Variants in RPF2 observed in about 807,000 individuals in gnomAD.
The protein encoded by RPF2 is ribosome production factor 2 homolog, also known as brix domain containing 1.
In RPF2, 21 loss-of-function variants were observed where a neutral mutation model predicts 38.9. The observed-to-expected ratio is 0.54, with a 90% CI of 0.38 to 0.78. The LOEUF is 0.78. RPF2 is among the 30% of genes least tolerant of loss of function. The pLI, the probability that RPF2 is intolerant of heterozygous loss-of-function variation, is 0.00. For synonymous variants in RPF2, 121 were observed against 126.2 expected, an observed-to-expected ratio of 0.96 and a Z score of 0.28; for missense variants, 314 against 358.1, an observed-to-expected ratio of 0.88 and a Z score of 0.99.
At chr6:111,005,896 C>T (rs576464122) in intron 6 of RPF2, among the ~76,000 whole-genome samples, 40 of 152,186 alleles carry the variant, frequency 2.6e-4, no homozygotes, top group Non-Finnish European at 5.0e-4. Context: ...ACTGCAACCT[C>T]CACCTCCTGG....
intron 7 of RPF2, among the ~76,000 whole-genome samples, chr6:111,012,499 T>C (rs1012485503): frequency 2.0e-5 from 3 of 152,016 alleles, no homozygotes; most frequent in African/African-American, 7.2e-5. Flanking sequence ...ATATTATATA[T>C]ATGGTTGTTT....
intron 1 of RPF2, among the ~76,000 whole-genome samples, chr6:110,983,190 AT>A: frequency 6.6e-6 from 1 of 152,290 alleles, no homozygotes; most frequent in African/African-American, 2.4e-5. Flanking sequence ...CAAGGTGCTC[AT>A]TGTAGAGGAA....
rs191995948 is a variant in RPF2 at position 111,024,788 on chromosome 6, G to C, written c.741+461G>C. ...AGGACTCACAGAGCCAGGAAAAGGA[G>C]AGAGAACCAAATAAGCCAACAATAA... On this transcript the variant is annotated intron_variant, in intron 9 of 9. Coordinates refer to ENST00000441448, the MANE Select transcript of RPF2 (RefSeq NM_032194.3). Among the ~76,000 whole-genome samples, 138 of 151,658 alleles carry C rather than the reference G, an allele frequency of 9.1e-4. 2 individuals carry two copies. Among genetic ancestry groups the C allele is most frequent in the Non-Finnish European group, 1.5e-4 (10 of 67,936 alleles).
intron 7 of RPF2, among the ~76,000 whole-genome samples, chr6:111,014,175 C>T (rs185953151): frequency 2.0e-5 from 3 of 148,924 alleles, no homozygotes; most frequent in Admixed American, 1.3e-4. Flanking sequence ...CTCACACTGT[C>T]GCCCAGGCTG....
intron 4 of RPF2, among the ~76,000 whole-genome samples, chr6:110,996,310 C>G (rs1260843009): frequency 6.6e-6 from 1 of 151,966 alleles, no homozygotes; most frequent in African/African-American, 2.4e-5. Context: ...TCCTGAGTAG[C>G]TGGGATTACA....
intron 7 of RPF2, among the ~76,000 whole-genome samples, chr6:111,008,443 A>T (rs1287444378): frequency 6.6e-6 from 1 of 150,774 alleles, no homozygotes; most frequent in African/African-American, 2.4e-5. Flanking sequence ...GCAGGAAAGC[A>T]CCTAAGTATC....
chr6:110,998,342 G>C (rs368478621), intron 5 of RPF2, among the ~76,000 whole-genome samples: 1 of 152,140 alleles, frequency 6.6e-6, no homozygotes, highest in Non-Finnish European at 1.5e-5. Flanking sequence ...TCATATACCA[G>C]TTGAAGTCAG....
intron 8 of RPF2, among the ~76,000 whole-genome samples, chr6:111,020,061 C>T (rs1287603332): frequency 6.6e-6 from 1 of 151,962 alleles, no homozygotes; most frequent in Non-Finnish European, 1.5e-5. Flanking sequence ...ACTACTGGCA[C>T]CCGCCACCAC....
In RPF2 at chr6:110,996,912, G is replaced by A. The variant is rs189233467; in HGVS notation, c.235-271G>A. 1.2e-4 allele frequency among the ~76,000 whole-genome samples: 19 copies of A among 152,038 alleles called. No homozygotes were observed. The East Asian group carries it at 1.7e-3, about 14-fold the overall frequency. ...TGCCTTCTGGGTTCAAGCGATTCTC[G>A]TGCCTCAGCCACTAAGGTAGCTGGG... On this transcript the variant is annotated intron_variant, in intron 4 of 9. Coordinates refer to ENST00000441448, the MANE Select transcript of RPF2 (RefSeq NM_032194.3).
intron 4 of RPF2, among the ~76,000 whole-genome samples, chr6:110,993,266 GTTTTTTTTC>G (rs1248370498): frequency 1.6e-5 from 2 of 124,526 alleles, no homozygotes; most frequent in African/African-American, 3.2e-5. Flanking sequence ...ATTTGTTGTT[GTTTTTTTTC>G]TTAAGTTCAC....
chr6:110,997,313 TA>T, intron 5 of RPF2, 49 bp downstream of exon 5: 1 of 1,143,844 alleles, frequency 8.7e-7, no homozygotes, highest in Non-Finnish European at 1.3e-6. Flanking sequence ...GTCAATTTGT[TA>T]GCAGCAGCGA....
chr6:111,003,619 T>C (rs1771851972), intron 6 of RPF2, among the ~76,000 whole-genome samples: 1 of 152,100 alleles, frequency 6.6e-6, no homozygotes, highest in South Asian at 2.1e-4. Flanking sequence ...TTCAATGAAG[T>C]AAGACTAGCC....
rs1475961660 is a variant in RPF2, at chr6:111,015,785, C to T, written c.525C>T (p.Ile175=). ...TCAGAGGCCCCACAGTATCAAATAT[C>T]CGCCTGGCTGGATTAGAGTATGTTC... is the stretch of plus-strand genomic sequence containing the variant. ...DFFRGPTVSN[I]RLAGLEYVLH... The change falls in exon 8 of 10, where the codon ATC becomes ATT. Residue 175 remains isoleucine, a synonymous_variant. Coordinates refer to ENST00000441448, the MANE Select transcript of RPF2 (RefSeq NM_032194.3). 1.2e-6 allele frequency: 2 copies of T among 1,612,380 alleles called. No individual in the cohort carries two copies. Among genetic ancestry groups the T allele is most frequent in the African/African-American group, 2.7e-5 (2 of 74,882 alleles).
chr6:111,002,487 G>A (rs1168857439), intron 6 of RPF2, among the ~76,000 whole-genome samples: 1 of 151,880 alleles, frequency 6.6e-6, no homozygotes, highest in Non-Finnish European at 1.5e-5. Flanking sequence ...GCAGGTGTGT[G>A]CCACCATGCC....
intron 4 of RPF2, 51 bp from the exon 5 acceptor site, chr6:110,997,132 A>T: frequency 8.5e-7 from 1 of 1,179,796 alleles, no homozygotes; most frequent in Non-Finnish European, 1.3e-6. Flanking sequence ...TAAGATTCTT[A>T]AAGTTCTTAA....
At chr6:110,988,500 A>G (rs1771562286) in intron 2 of RPF2, among the ~76,000 whole-genome samples, 3 of 151,554 alleles carry the variant, frequency 2.0e-5, no homozygotes. Flanking sequence ...CAGTGGTGCA[A>G]TCACGGTTCA....
rs542484616 is a variant in RPF2 at position 111,019,336 on chromosome 6, C to T, written c.596+3480C>T. Among the ~76,000 whole-genome samples the T allele has an allele frequency of 1.5e-4, 23 of 152,246 alleles. 2 individuals are homozygous for T. The South Asian group carries it at 3.5e-3, about 23-fold the overall frequency. ...ACGCCTATAATCCCGGCTACTCAGG[C>T]GGCTATGGCACAAGAATTGCTTCAG... On this transcript the variant is annotated intron_variant, in intron 8 of 9. Coordinates refer to ENST00000441448, the MANE Select transcript of RPF2 (RefSeq NM_032194.3).
intron 4 of RPF2, among the ~76,000 whole-genome samples, chr6:110,994,369 G>A (rs1771671795): frequency 6.6e-6 from 1 of 152,012 alleles, no homozygotes; most frequent in Non-Finnish European, 1.5e-5. Context: ...AGGATTGCGT[G>A]GGGCCAGGAT....
In RPF2 at chr6:111,026,650, A is replaced by G. The variant is rs1173859014; in HGVS notation, c.*1068A>G. On this transcript the variant is annotated 3_prime_UTR_variant, in exon 10 of 10. Coordinates refer to ENST00000441448, the MANE Select transcript of RPF2 (RefSeq NM_032194.3). ...TTTGCAGATGGTGTAGAAGCCAGCC[A>G]AAGCCTAACTACTTGTTTTGAAAGT... 1 of 152,266 alleles carries G rather than the reference A, an allele frequency of 6.6e-6. No homozygotes were observed. The highest frequency in any genetic ancestry group is 2.4e-5 in the African/African-American group (1 of 41,462). The allele number at this position is 152,266 out of a possible 1,614,324, so 9.4% of individuals were successfully genotyped here.
Sources: gnomAD v4.1 joint callset for allele counts (sites outside exome capture counted in the v4.1 genomes callset) on GRCh38, gnomAD v4.1.1 for gene constraint, MANE v1.5 for transcripts, NCBI Gene and HGNC (gene_info 2026-07-23, HGNC 2026-07-21) for gene names.